The following CDK14 variants were observed in gnomAD, a reference collection of about 807,000 sequenced individuals.
The protein encoded by CDK14 is cyclin-dependent kinase 14.
A neutral mutation model predicts 60.7 loss-of-function variants in CDK14; 34 were observed. The ratio of observed to expected loss-of-function variants is 0.56; its 90% CI spans 0.43 to 0.75. The LOEUF (loss-of-function observed/expected upper bound fraction) is 0.75. CDK14 is among the 30% of genes least tolerant of loss of function. The pLI, the probability that CDK14 is intolerant of heterozygous loss-of-function variation, is 0.00. For missense variants in CDK14, 482 were observed against 564.1 expected, an observed-to-expected ratio of 0.85 and a Z score of 1.47; for synonymous variants, 197 against 203.7, an observed-to-expected ratio of 0.97 and a Z score of 0.28.
At position 90,604,908 on chromosome 7, in the gene CDK14, T is replaced by C. The variant is rs368037199; in HGVS notation, c.123+659T>C. On this transcript the variant is annotated intron_variant, in intron 2 of 14. Coordinates refer to ENST00000380050, the MANE Select transcript of CDK14 (RefSeq NM_001287135.2). ...GAATGTTTACAAAATATTTTCACAG[T>C]GCCAAAGAGTGAAATGTTTCATTGT... Among the ~76,000 whole-genome samples the C allele has an allele frequency of 3.3e-5, 5 of 152,212 alleles. No individual in the cohort carries two copies. In the East Asian group the frequency reaches 5.8e-4, roughly 18 times the overall value.
intron 14 of CDK14, among the ~76,000 whole-genome samples, chr7:91,151,870 A>T (rs1800836905): frequency 6.6e-6 from 1 of 152,190 alleles, no homozygotes; most frequent in African/African-American, 2.4e-5. Flanking sequence ...ATAGCCCATC[A>T]AGCCCAAAAC....
intron 4 of CDK14, among the ~76,000 whole-genome samples, chr7:90,757,727 G>A (rs1170085334): frequency 6.6e-6 from 1 of 151,798 alleles, no homozygotes; most frequent in African/African-American, 2.4e-5. Flanking sequence ...CAGCACCCCC[G>A]AGTAGCTGGG....
At chr7:90,878,797 G>A (rs1562809848) in intron 6 of CDK14, among the ~76,000 whole-genome samples, 1 of 152,168 alleles carries the variant, frequency 6.6e-6, no homozygotes. Flanking sequence ...TAAAAAAAGA[G>A]AGAAGTAATT....
At chr7:91,120,129 C>T (rs1257720302) in intron 14 of CDK14, among the ~76,000 whole-genome samples, 1 of 152,208 alleles carries the variant, frequency 6.6e-6, no homozygotes, top group Non-Finnish European at 1.5e-5. Flanking sequence ...GCTGCTACCT[C>T]ATACACACAT....
intron 10 of CDK14, among the ~76,000 whole-genome samples, chr7:91,022,970 A>G (rs550129817): frequency 6.6e-6 from 1 of 152,152 alleles, no homozygotes; most frequent in Non-Finnish European, 1.5e-5. Flanking sequence ...TGGCTAGAAG[A>G]AAAAACTCTT....
At chr7:91,164,231 A>C (rs961573619) in intron 14 of CDK14, among the ~76,000 whole-genome samples, 5 of 152,234 alleles carry the variant, frequency 3.3e-5, no homozygotes, top group African/African-American at 4.8e-5. Context: ...CTGATGAACA[A>C]GTGATTACAA....
intron 8 of CDK14, among the ~76,000 whole-genome samples, chr7:90,949,768 C>G (rs938382505): frequency 1.3e-5 from 2 of 151,966 alleles, no homozygotes; most frequent in Non-Finnish European, 2.9e-5. Flanking sequence ...GGACAGAAAC[C>G]AAAACAAAGA....
chr7:91,081,969 A>T (rs930789690), intron 12 of CDK14, among the ~76,000 whole-genome samples: 5 of 152,156 alleles, frequency 3.3e-5, no homozygotes, highest in African/African-American at 1.2e-4. Context: ...CTCTTCCTCC[A>T]TAAAGGGGAT....
chr7:90,781,578 T>C (rs905030667), intron 4 of CDK14, among the ~76,000 whole-genome samples: 1 of 148,772 alleles, frequency 6.7e-6, no homozygotes, highest in Non-Finnish European at 1.5e-5. Flanking sequence ...TAATCCATCT[T>C]GAATTAATTT....
chr7:90,845,938 A>T (rs17163284), intron 5 of CDK14, among the ~76,000 whole-genome samples: 2 of 151,990 alleles, frequency 1.3e-5, no homozygotes, highest in East Asian at 3.9e-4. Context: ...ACAGTAATCT[A>T]TTCTGTGTAT....
chr7:90,990,934 G>A (rs1235635767), intron 10 of CDK14, among the ~76,000 whole-genome samples: 1 of 152,096 alleles, frequency 6.6e-6, no homozygotes, highest in Non-Finnish European at 1.5e-5. Context: ...TGACTATGGT[G>A]GTAAACCAAC....
At chr7:91,184,532 A>C (rs1351138774) in intron 14 of CDK14, among the ~76,000 whole-genome samples, 1 of 152,218 alleles carries the variant, frequency 6.6e-6, no homozygotes, top group Non-Finnish European at 1.5e-5. Flanking sequence ...GCTGAGAGTC[A>C]AAAGCTAGTA....
At chr7:90,739,886 G>T (rs757295558) in intron 3 of CDK14, among the ~76,000 whole-genome samples, 7 of 152,098 alleles carry the variant, frequency 4.6e-5, no homozygotes, top group Non-Finnish European at 1.5e-5. Flanking sequence ...GGAGGGTGAT[G>T]GTAAAGTGTG....
chr7:90,883,469 C>G (rs1035878852), intron 6 of CDK14, among the ~76,000 whole-genome samples: 6 of 152,022 alleles, frequency 3.9e-5, no homozygotes, highest in Admixed American at 3.3e-4. Flanking sequence ...AAACAAAAGC[C>G]CCGGACCAGA....
At chr7:90,926,675 TTCACCAACACC>T (rs1793425170) in intron 8 of CDK14, among the ~76,000 whole-genome samples, 1 of 152,204 alleles carries the variant, frequency 6.6e-6, no homozygotes, top group Non-Finnish European at 1.5e-5. Context: ...CAATAACCAA[TTCACCAACACC>T]TCAGACAGAC....
intron 14 of CDK14, among the ~76,000 whole-genome samples, chr7:91,150,639 A>G (rs1211972537): frequency 6.6e-6 from 1 of 152,224 alleles, no homozygotes; most frequent in African/African-American, 2.4e-5. Flanking sequence ...TATGAAAAAT[A>G]GTTGTTAAGT....
At chr7:90,937,511 A>G (rs1793792004) in intron 8 of CDK14, among the ~76,000 whole-genome samples, 1 of 152,188 alleles carries the variant, frequency 6.6e-6, no homozygotes, top group Admixed American at 6.5e-5. Flanking sequence ...ATTTCTTGCT[A>G]TTAATTGTTG....
chr7:91,206,938 A>C (rs1212547135), intron 14 of CDK14, among the ~76,000 whole-genome samples: 1 of 152,138 alleles, frequency 6.6e-6, no homozygotes, highest in Admixed American at 6.6e-5. Context: ...GGTGGAGTTA[A>C]ATGATTTTAA....
At chr7:90,794,116 C>T (rs927081242) in intron 5 of CDK14, among the ~76,000 whole-genome samples, 8 of 151,982 alleles carry the variant, frequency 5.3e-5, no homozygotes, top group Non-Finnish European at 1.2e-4. Context: ...CCCCCTGAGC[C>T]GTAAAACCAG....
Sources: gnomAD v4.1 joint callset for allele counts (sites outside exome capture counted in the v4.1 genomes callset) on GRCh38, gnomAD v4.1.1 for gene constraint, MANE v1.5 for transcripts, NCBI Gene and HGNC (gene_info 2026-07-23, HGNC 2026-07-21) for gene names.